The following MAGI2 variants were observed in gnomAD, a reference collection of about 807,000 sequenced individuals.
The protein encoded by MAGI2 is membrane-associated guanylate kinase, WW and PDZ domain-containing protein 2.
A neutral mutation model predicts 133.3 loss-of-function variants in MAGI2; 35 were observed. The ratio of observed to expected loss-of-function variants is 0.26; its 90% CI spans 0.20 to 0.35. The LOEUF is 0.35. Ranked by LOEUF, MAGI2 falls within the 10% of genes least tolerant of loss-of-function variation. The pLI, the probability that MAGI2 is intolerant of heterozygous loss-of-function variation, is 1.00. For missense variants in MAGI2, 1,636 were observed against 1,863.4 expected, an observed-to-expected ratio of 0.88 and a Z score of 2.25; for synonymous variants, 729 against 710.6, an observed-to-expected ratio of 1.03 and a Z score of -0.41.
chr7:79,230,370 G>A (rs1310409690), intron 1 of MAGI2, among the ~76,000 whole-genome samples: 11 of 152,114 alleles, frequency 7.2e-5, no homozygotes, highest in East Asian at 3.9e-4. Context: ...TCGCCACACC[G>A]ACTTCCACAA....
chr7:78,558,335 C>G (rs1800038827), intron 3 of MAGI2, among the ~76,000 whole-genome samples: 1 of 152,066 alleles, frequency 6.6e-6, no homozygotes, highest in Non-Finnish European at 1.5e-5. Context: ...CACTGTGGTT[C>G]AAATTCACAG....
chr7:78,560,044 A>C (rs1800247827), intron 3 of MAGI2, among the ~76,000 whole-genome samples: 1 of 152,178 alleles, frequency 6.6e-6, no homozygotes, highest in Non-Finnish European at 1.5e-5. Context: ...AGCTTGAAGG[A>C]TGACAAAAGA....
intron 1 of MAGI2, among the ~76,000 whole-genome samples, chr7:79,168,245 G>T (rs1825138403): frequency 6.6e-6 from 1 of 151,772 alleles, no homozygotes; most frequent in South Asian, 2.1e-4. Context: ...AGCCCTGCTG[G>T]GTTAGGGTAT....
chr7:79,240,032 T>A (rs1832265357), intron 1 of MAGI2, among the ~76,000 whole-genome samples: 1 of 152,156 alleles, frequency 6.6e-6, no homozygotes, highest in Non-Finnish European at 1.5e-5. Context: ...TACTGATATG[T>A]CCCACAGCTT....
chr7:79,016,009 G>C (rs1185765691), intron 1 of MAGI2, among the ~76,000 whole-genome samples: 2 of 112,546 alleles, frequency 1.8e-5, no homozygotes, highest in Admixed American at 9.1e-5. Flanking sequence ...GGGGGGGGGG[G>C]GTGGGGGTTG....
At chr7:78,519,937 G>A (rs1162676158) in intron 4 of MAGI2, among the ~76,000 whole-genome samples, 2 of 152,096 alleles carry the variant, frequency 1.3e-5, no homozygotes, top group East Asian at 1.9e-4. Context: ...CTAAGAAAAC[G>A]ATGTACTATC....
chr7:78,959,233 C>A (rs113391189), intron 2 of MAGI2, among the ~76,000 whole-genome samples: 1 of 152,058 alleles, frequency 6.6e-6, no homozygotes, highest in African/African-American at 2.4e-5. Flanking sequence ...TTGGTTCATG[C>A]AAAGTTAGTC....
In MAGI2 at chr7:78,135,209, A is replaced by T; in HGVS notation, c.2846-3T>A. On this transcript the variant is annotated splice_region_variant and splice_polypyrimidine_tract_variant and intron_variant, in intron 16 of 21. Coordinates refer to ENST00000354212, the MANE Select transcript of MAGI2 (RefSeq NM_012301.4). ...GCGTCCGATTTTATGGGGCACAGCT[A>T]AAAAAACCCCAACAGAAATAGGTAT... 4 of 1,612,304 alleles carry T rather than the reference A, an allele frequency of 2.5e-6. No homozygotes were observed. The highest frequency in any genetic ancestry group is 3.4e-6 in the Non-Finnish European group (4 of 1,178,566).
intron 1 of MAGI2, among the ~76,000 whole-genome samples, chr7:79,053,394 T>C (rs1812856344): frequency 6.6e-6 from 1 of 152,076 alleles, no homozygotes. Context: ...TACATGAAAA[T>C]GTATAAACTT....
intron 2 of MAGI2, among the ~76,000 whole-genome samples, chr7:78,629,088 C>T (rs1204226812): frequency 6.6e-6 from 1 of 152,130 alleles, no homozygotes; most frequent in African/African-American, 2.4e-5. Flanking sequence ...GGGCTGCTGA[C>T]TTGTTTGGAG....
intron 4 of MAGI2, among the ~76,000 whole-genome samples, chr7:78,512,055 G>A (rs555096216): frequency 4.6e-5 from 7 of 151,978 alleles, no homozygotes; most frequent in African/African-American, 1.7e-4. Flanking sequence ...CCAGGGAGGC[G>A]GAGCTTGCGG....
chr7:78,760,487 C>T (rs1214226075), intron 2 of MAGI2, among the ~76,000 whole-genome samples: 13 of 151,836 alleles, frequency 8.6e-5, no homozygotes, highest in East Asian at 2.0e-4. Context: ...CTCAGCCTCC[C>T]GAGTAGCTGG....
At chr7:79,042,658 A>G (rs1265834447) in intron 1 of MAGI2, among the ~76,000 whole-genome samples, 1 of 152,188 alleles carries the variant, frequency 6.6e-6, no homozygotes, top group African/African-American at 2.4e-5. Context: ...TCAACACCCC[A>G]CTGACAGCAT....
chr7:78,137,503 C>G (rs1445129969), intron 16 of MAGI2, among the ~76,000 whole-genome samples: 1 of 152,126 alleles, frequency 6.6e-6, no homozygotes, highest in Non-Finnish European at 1.5e-5. Flanking sequence ...TATGTGTGTG[C>G]TTGTGTGTAG....
intron 1 of MAGI2, among the ~76,000 whole-genome samples, chr7:79,204,776 A>G (rs1200287332): frequency 6.6e-6 from 1 of 152,014 alleles, no homozygotes; most frequent in Non-Finnish European, 1.5e-5. Context: ...AAATTGAAAC[A>G]ATTAAAAAAT....
At chr7:78,924,873 A>ATTG (rs1355514872) in intron 2 of MAGI2, among the ~76,000 whole-genome samples, 1 of 150,998 alleles carries the variant, frequency 6.6e-6, no homozygotes, top group Non-Finnish European at 1.5e-5. Flanking sequence ...TATTATTATT[A>ATTG]TTAGGAACAA....
At chr7:78,887,979 G>C (rs1034943821) in intron 2 of MAGI2, among the ~76,000 whole-genome samples, 24 of 152,192 alleles carry the variant, frequency 1.6e-4, no homozygotes, top group Non-Finnish European at 3.5e-4. Context: ...CCCTTTCCTA[G>C]TCAAAGAAAG....
chr7:79,216,503 G>A (rs1194864016), intron 1 of MAGI2, among the ~76,000 whole-genome samples: 1 of 152,008 alleles, frequency 6.6e-6, no homozygotes, highest in Non-Finnish European at 1.5e-5. Context: ...AGCTAAAAGA[G>A]TGCACTGTAA....
At chr7:79,378,967 T>TATATAC (rs1843587239) in intron 1 of MAGI2, among the ~76,000 whole-genome samples, 1 of 94,672 alleles carries the variant, frequency 1.1e-5, no homozygotes, top group Admixed American at 1.0e-4. Flanking sequence ...TATATATATA[T>TATATAC]ATATTAAACT....
Sources: gnomAD v4.1 joint callset for allele counts (sites outside exome capture counted in the v4.1 genomes callset) on GRCh38, gnomAD v4.1.1 for gene constraint, MANE v1.5 for transcripts, NCBI Gene and HGNC (gene_info 2026-07-23, HGNC 2026-07-21) for gene names.